RGSL1: variants seen among roughly 807,000 people sequenced by gnomAD.
The protein encoded by RGSL1 is regulator of G protein signaling like 1.
In RGSL1, 97 loss-of-function variants were observed where a neutral mutation model predicts 124.7. The observed-to-expected ratio is 0.78, with a 90% CI of 0.66 to 0.92. RGSL1 has a LOEUF of 0.92. Among genes scored for constraint, RGSL1 ranks in the 40% least tolerant of loss-of-function variants. The pLI is 0.00. For synonymous variants in RGSL1, 424 were observed against 438.1 expected (o/e 0.97, Z 0.40); for missense variants, 1,233 against 1,288.4 (o/e 0.96, Z 0.66).
chr1:182,512,135 G>A (rs1657509994), intron 9 of RGSL1, among the ~76,000 whole-genome samples: 1 of 152,026 alleles, frequency 6.6e-6, no homozygotes, highest in Non-Finnish European at 1.5e-5. Context: ...TTACTGTATT[G>A]TGGTCTTTCT....
At chr1:182,499,977 G>A (rs990166670) in intron 9 of RGSL1, among the ~76,000 whole-genome samples, 2 of 152,098 alleles carry the variant, frequency 1.3e-5, no homozygotes, top group Non-Finnish European at 2.9e-5. Context: ...TTTTCACTAT[G>A]TTGATAATGT....
intron 9 of RGSL1, among the ~76,000 whole-genome samples, chr1:182,520,512 C>T (rs968293293): frequency 2.0e-5 from 3 of 152,168 alleles, no homozygotes; most frequent in African/African-American, 7.2e-5. Context: ...CTGCAAATGC[C>T]TTTAGGGTGG....
chr1:182,452,798 A>C (rs1314113880), intron 1 of RGSL1, among the ~76,000 whole-genome samples: 1 of 152,166 alleles, frequency 6.6e-6, no homozygotes, highest in African/African-American at 2.4e-5. Flanking sequence ...AACAACCACC[A>C]GTGTCATCAG....
chr1:182,484,672 G>A (rs866444705), intron 6 of RGSL1, among the ~76,000 whole-genome samples: 5 of 152,216 alleles, frequency 3.3e-5, no homozygotes, highest in African/African-American at 7.2e-5. Flanking sequence ...GGCCCCTAGG[G>A]GCAGGGTGCA....
At chr1:182,508,305 T>TTG (rs1400458773) in intron 9 of RGSL1, among the ~76,000 whole-genome samples, 1 of 140,292 alleles carries the variant, frequency 7.1e-6, no homozygotes, top group Non-Finnish European at 1.5e-5. Flanking sequence ...TTTTTTTTTT[T>TTG]TTTTTTTTTT....
rs1558436565 is a variant in RGSL1, at chr1:182,551,301, C to T, written c.3043+92C>T. ...CCCAAGGGGCCAAATTCAAGACTTC[C>T]TTGAGGGTGTTTGCTGGAGCCGGGA... On this transcript the variant is annotated intron_variant, in intron 18 of 21. Transcript: ENST00000294854. 3.0e-6 allele frequency: 3 copies of T among 1,016,816 alleles called. No individual in the cohort carries two copies. The East Asian group carries it at 7.8e-5, about 26-fold the overall frequency. 63.0% of individuals were successfully genotyped at this position (1,016,816 alleles called of 1,614,324 possible). A position where few individuals can be genotyped will look rare whatever the true frequency, so the allele number is the denominator to read the frequency against.
At chr1:182,450,743 G>T (rs1651745966) in intron 1 of RGSL1, among the ~76,000 whole-genome samples, 1 of 152,122 alleles carries the variant, frequency 6.6e-6, no homozygotes, top group South Asian at 2.1e-4. Flanking sequence ...AATCACTAGG[G>T]AATTTCTGCC....
chr1:182,514,873 A>G (rs188711926), intron 9 of RGSL1, among the ~76,000 whole-genome samples: 1 of 152,320 alleles, frequency 6.6e-6, no homozygotes, highest in East Asian at 1.9e-4. Flanking sequence ...TTTTTTCTCC[A>G]GATTCTGAGG....
chr1:182,554,110 C>T (rs1660723572), intron 19 of RGSL1, among the ~76,000 whole-genome samples: 1 of 152,226 alleles, frequency 6.6e-6, no homozygotes, highest in Non-Finnish European at 1.5e-5. Flanking sequence ...TTTGTTTCCA[C>T]ATAGTCTCTC....
intron 11 of RGSL1, among the ~76,000 whole-genome samples, chr1:182,529,067 A>G (rs1012985758): frequency 5.3e-5 from 8 of 152,208 alleles, no homozygotes; most frequent in African/African-American, 1.9e-4. Context: ...CCCTTGACAC[A>G]TGGGGATTAT....
chr1:182,466,822 C>G (rs906317092), intron 4 of RGSL1, among the ~76,000 whole-genome samples: 1 of 152,112 alleles, frequency 6.6e-6, no homozygotes, highest in African/African-American at 2.4e-5. Flanking sequence ...ATAGAAACGT[C>G]AATCCTAAAA....
At chr1:182,545,711 G>T (rs10911088) in intron 15 of RGSL1, among the ~76,000 whole-genome samples, 79,159 of 151,474 alleles carry the variant, frequency 0.52, 20,841 homozygotes, top group Non-Finnish European at 0.56. Context: ...TTTTGTTTTG[G>T]TTTGGTTTTT....
chr1:182,497,192 T>C (rs1655980722), intron 9 of RGSL1, among the ~76,000 whole-genome samples: 1 of 151,766 alleles, frequency 6.6e-6, no homozygotes, highest in African/African-American at 2.4e-5. Flanking sequence ...AACTGCTTCT[T>C]GTCCTTCTTT....
intron 15 of RGSL1, among the ~76,000 whole-genome samples, chr1:182,542,353 T>C (rs1026430455): frequency 6.6e-6 from 1 of 152,218 alleles, no homozygotes; most frequent in Non-Finnish European, 1.5e-5. Flanking sequence ...TTGCCACCTG[T>C]GTCAAAAGTG....
chr1:182,464,467 T>G (rs1653104928), intron 4 of RGSL1, among the ~76,000 whole-genome samples: 1 of 152,170 alleles, frequency 6.6e-6, no homozygotes, highest in African/African-American at 2.4e-5. Context: ...CTCACGCCTG[T>G]AATCCCAGCA....
At chr1:182,550,552 T>C (rs1255564542) in intron 17 of RGSL1, 1 of 152,106 alleles carries the variant, frequency 6.6e-6, no homozygotes, top group Non-Finnish European at 1.5e-5. Flanking sequence ...TGATGGGGAA[T>C]ATTGCACAGG....
intron 4 of RGSL1, among the ~76,000 whole-genome samples, chr1:182,460,920 G>A (rs570225436): frequency 6.6e-6 from 1 of 152,288 alleles, no homozygotes; most frequent in East Asian, 1.9e-4. Context: ...ACATGTTCCT[G>A]GGGCAGCTTA....
intron 4 of RGSL1, among the ~76,000 whole-genome samples, chr1:182,462,696 T>A (rs1043062968): frequency 1.3e-5 from 2 of 152,172 alleles, no homozygotes; most frequent in African/African-American, 4.8e-5. Flanking sequence ...TTTTGTGACA[T>A]CAACAACCAA....
chr1:182,547,828 T>C (rs1361565834), intron 15 of RGSL1, among the ~76,000 whole-genome samples: 1 of 152,072 alleles, frequency 6.6e-6, no homozygotes, highest in Non-Finnish European at 1.5e-5. Context: ...ACCACTGCAC[T>C]CCAGCCTGGG....
Sources: gnomAD v4.1 joint callset for allele counts (sites outside exome capture counted in the v4.1 genomes callset) on GRCh38, gnomAD v4.1.1 for gene constraint, MANE v1.5 for transcripts, NCBI Gene and HGNC (gene_info 2026-07-23, HGNC 2026-07-21) for gene names.